Variants in XKR4 observed in about 807,000 individuals in gnomAD.
The protein encoded by XKR4 is XK-related protein 4.
XKR4 carries 12 observed loss-of-function variants against 53.9 expected under a neutral mutation model. The observed-to-expected ratio is 0.22, with a 90% CI of 0.14 to 0.36. XKR4 has a LOEUF of 0.36. XKR4 is among the 10% of genes least tolerant of loss of function. XKR4 has a pLI of 1.00. For missense variants in XKR4, 799 were observed against 859.5 expected (o/e 0.93, Z 0.88); for synonymous variants, 354 against 362.4 (o/e 0.98, Z 0.26).
Position 55,348,691 on chromosome 8 carries a change from T to TAAACACACACAC in XKR4, c.807-8986_807-8985insAACACACACACA, listed in dbSNP as rs1554519701. On this transcript the variant is annotated intron_variant, in intron 1 of 2. Transcript: ENST00000327381. The stretch of plus-strand genomic sequence containing the variant: ...AGAGGGAGAGAGAGACAGACAAACA[T>TAAACACACACAC]ACACACACACACACACACACACACA... 8.4e-3 allele frequency among the ~76,000 whole-genome samples: 1,145 copies of TAAACACACACAC among 136,102 alleles called. 16 individuals are homozygous for TAAACACACACAC. The highest frequency in any genetic ancestry group is 0.028 in the African/African-American group (1,054 of 37,406). The allele number at this position is 136,102 out of a possible 152,430, so 89.3% of individuals were successfully genotyped here. A position where few individuals can be genotyped will look rare whatever the true frequency, so the allele number is the denominator to read the frequency against.
chr8:55,315,573 T>C (rs1586006478), intron 1 of XKR4, among the ~76,000 whole-genome samples: 1 of 152,190 alleles, frequency 6.6e-6, no homozygotes, highest in East Asian at 1.9e-4. Flanking sequence ...GGAGAAGGAT[T>C]GCTTGGGTCC....
At chr8:55,276,226 G>A (rs758275141) in intron 1 of XKR4, among the ~76,000 whole-genome samples, 24 of 152,142 alleles carry the variant, frequency 1.6e-4, no homozygotes, top group African/African-American at 2.2e-4. Context: ...TCGATGACTC[G>A]TTTATTTAAA....
chr8:55,183,162 G>A (rs950779506), intron 1 of XKR4, among the ~76,000 whole-genome samples: 1 of 151,678 alleles, frequency 6.6e-6, no homozygotes, highest in Non-Finnish European at 1.5e-5. Context: ...ATTGATCTAA[G>A]AATCAGCTTT....
Position 55,523,728 on chromosome 8 carries a change from A to G in XKR4, c.1454A>G (p.Asp485Gly). 1.2e-6 allele frequency: 2 copies of G among 1,614,112 alleles called. No homozygotes were observed. Among genetic ancestry groups the G allele is most frequent in the Non-Finnish European group, 1.7e-6 (2 of 1,180,022 alleles). The change falls in exon 3 of 3, where the codon GAC (aspartate) becomes GGC (glycine). Residue 485 changes from aspartate (D) to glycine (G), a missense_variant. Asp to Gly is a moderately conservative substitution (Grantham distance 94). Coordinates refer to ENST00000327381, the MANE Select transcript of XKR4 (RefSeq NM_052898.2). Reference protein sequence around the residue: ...WYLYKAPQIADAFAIPALCVV... With the variant: ...WYLYKAPQIAGAFAIPALCVV... ...CTCTACAAGGCTCCCCAGATTGCAG[A>G]CGCATTTGCCATTCCAGCGCTGTGT...
At chr8:55,515,005 T>C (rs1390836896) in intron 2 of XKR4, among the ~76,000 whole-genome samples, 1 of 152,230 alleles carries the variant, frequency 6.6e-6, no homozygotes, top group Non-Finnish European at 1.5e-5. Flanking sequence ...ATCTGAGATA[T>C]GTTTTCCCAA....
chr8:55,339,182 G>A (rs1453938232), intron 1 of XKR4, among the ~76,000 whole-genome samples: 1 of 152,164 alleles, frequency 6.6e-6, no homozygotes, highest in East Asian at 1.9e-4. Flanking sequence ...ATAGGATGCT[G>A]TGGCCATGGG....
At chr8:55,436,752 C>G (rs764709390) in intron 2 of XKR4, among the ~76,000 whole-genome samples, 13 of 152,184 alleles carry the variant, frequency 8.5e-5, no homozygotes, top group Non-Finnish European at 1.6e-4. Context: ...AATCACTTCT[C>G]TTCTTGGAGC....
At position 55,539,069 on chromosome 8, in the gene XKR4, T is replaced by C. The variant is rs1481202772; in HGVS notation, c.*14842T>C. On this transcript the variant is annotated 3_prime_UTR_variant, in exon 3 of 3. Transcript: ENST00000327381. ...AGTGTGAAAACAACATCAGAGAATATCCTGTACAACTTCCCCAAAAGTGAC... is the reference window on the plus strand; with the variant it reads ...AGTGTGAAAACAACATCAGAGAATACCCTGTACAACTTCCCCAAAAGTGAC... 6.6e-6 allele frequency: 1 copy of C among 152,216 alleles called. No individual in the cohort carries two copies. The highest frequency in any genetic ancestry group is 1.9e-4 in the East Asian group (1 of 5,198). 9.4% of individuals were successfully genotyped at this position (152,216 alleles called of 1,614,324 possible). A position where few individuals can be genotyped will look rare whatever the true frequency, so the allele number is the denominator to read the frequency against.
intron 1 of XKR4, among the ~76,000 whole-genome samples, chr8:55,229,453 GAC>G (rs765979754): frequency 1.2e-4 from 18 of 152,372 alleles, no homozygotes; most frequent in Non-Finnish European, 1.9e-4. Context: ...AGCAGCACTG[GAC>G]TATTCCGTGC....
intron 2 of XKR4, among the ~76,000 whole-genome samples, chr8:55,398,331 C>T (rs1460005869): frequency 6.6e-6 from 1 of 152,120 alleles, no homozygotes; most frequent in Non-Finnish European, 1.5e-5. Flanking sequence ...CCCTACCCAC[C>T]CAAATGAGGG....
intron 1 of XKR4, among the ~76,000 whole-genome samples, chr8:55,203,186 A>G (rs569477538): frequency 2.0e-5 from 3 of 151,624 alleles, no homozygotes; most frequent in African/African-American, 7.3e-5. Flanking sequence ...ATAATAAAGC[A>G]CTGGCCCGCC....
chr8:55,152,490 G>C (rs1038619634), intron 1 of XKR4, among the ~76,000 whole-genome samples: 1 of 151,848 alleles, frequency 6.6e-6, no homozygotes, highest in East Asian at 1.9e-4. Context: ...AAATTTTTTT[G>C]TCTTCAAAGA....
intron 2 of XKR4, among the ~76,000 whole-genome samples, chr8:55,512,671 G>A (rs1194949968): frequency 1.3e-5 from 2 of 152,194 alleles, no homozygotes; most frequent in African/African-American, 2.4e-5. Flanking sequence ...ATTTATGAGA[G>A]GAAAGAATTG....
chr8:55,334,871 G>A lies in XKR4; in HGVS notation c.807-22807G>A, dbSNP rs563593062. 2.6e-5 allele frequency among the ~76,000 whole-genome samples: 4 copies of A among 152,224 alleles called. No individual in the cohort carries two copies. The East Asian group carries it at 7.7e-4, about 29-fold the overall frequency. On this transcript the variant is annotated intron_variant, in intron 1 of 2. Coordinates refer to ENST00000327381, the MANE Select transcript of XKR4 (RefSeq NM_052898.2). ...AGTCCTGTGTGAAAATCAAGCACTT[G>A]GAGCTAATTTTCCTGGGTCCTTTGC...
In XKR4 at chr8:55,504,380, T is replaced by A. The variant is rs558596632; in HGVS notation, c.1007-18901T>A. Among the ~76,000 whole-genome samples the A allele has an allele frequency of 5.1e-3, 627 of 121,908 alleles. 6 individuals are homozygous for A. Among genetic ancestry groups the A allele is most frequent in the African/African-American group, 0.021 (598 of 29,090 alleles). The allele number at this position is 121,908 out of a possible 152,430, so 80.0% of individuals were successfully genotyped here. A position where few individuals can be genotyped will look rare whatever the true frequency, so the allele number is the denominator to read the frequency against. On this transcript the variant is annotated intron_variant, in intron 2 of 2. Transcript: ENST00000327381. ...GGCACACCCCACCACACCTGGCTAATTTTTTTTTTTTTTTAGTAGAGATGG... is the reference window on the plus strand; with the variant it reads ...GGCACACCCCACCACACCTGGCTAAATTTTTTTTTTTTTTAGTAGAGATGG...
At chr8:55,319,495 A>C (rs1803174482) in intron 1 of XKR4, among the ~76,000 whole-genome samples, 1 of 152,222 alleles carries the variant, frequency 6.6e-6, no homozygotes, top group Non-Finnish European at 1.5e-5. Context: ...AGGCCATTCC[A>C]TTGTAAGGAT....
chr8:55,253,731 C>CTTTTTTTTTTTTTTTTT (rs67608017), intron 1 of XKR4, among the ~76,000 whole-genome samples: 1 of 113,708 alleles, frequency 8.8e-6, no homozygotes, highest in African/African-American at 3.2e-5. Context: ...ATTTTCTTTT[C>CTTTTTTTTTTTTTTTTT]TTTTTTTTTT....
chr8:55,483,515 AACAGCCAATTTGATCCCCTC>A (rs1300439903), intron 2 of XKR4, among the ~76,000 whole-genome samples: 2 of 152,128 alleles, frequency 1.3e-5, no homozygotes, highest in Non-Finnish European at 2.9e-5. Context: ...TGAAGGATTT[AACAGCCAATTTGATCCCCTC>A]ACTCATGGGT....
At chr8:55,160,341 G>C (rs1041068568) in intron 1 of XKR4, among the ~76,000 whole-genome samples, 1 of 152,220 alleles carries the variant, frequency 6.6e-6, no homozygotes, top group African/African-American at 2.4e-5. Flanking sequence ...AGCTGGAAAG[G>C]AGGGGAGGAA....
Sources: allele counts gnomAD v4.1 joint callset (sites outside exome capture counted in the v4.1 genomes callset), GRCh38; gene constraint gnomAD v4.1.1; transcripts MANE v1.5; gene names NCBI Gene and HGNC (gene_info 2026-07-23, HGNC 2026-07-21).